Variants in OPCML observed in about 807,000 individuals in gnomAD.
OPCML encodes opioid binding protein/cell adhesion molecule like.
Under a neutral mutation model 37.8 loss-of-function variants are expected in OPCML, and 13 were observed. That is an observed-to-expected ratio of 0.34 (90% CI 0.22 to 0.55). The LOEUF is 0.55. OPCML is among the 20% of genes least tolerant of loss of function. OPCML has a pLI of 0.91. For missense variants in OPCML, 341 were observed against 435.6 expected (o/e 0.78, Z 1.93); for synonymous variants, 176 against 168.8 (o/e 1.04, Z -0.33).
At chr11:133,248,392 T>C (rs1203691645) in intron 1 of OPCML, among the ~76,000 whole-genome samples, 3 of 152,258 alleles carry the variant, frequency 2.0e-5, no homozygotes, top group African/African-American at 7.2e-5. Context: ...AGAATGCAGA[T>C]AGCCTGCTGG....
At chr11:132,493,592 C>T (rs540769597) in intron 4 of OPCML, among the ~76,000 whole-genome samples, 2 of 152,324 alleles carry the variant, frequency 1.3e-5, no homozygotes, top group South Asian at 4.1e-4. Context: ...TCTTTCCCCT[C>T]TCCTTCCTGG....
intron 1 of OPCML, among the ~76,000 whole-genome samples, chr11:133,021,274 G>C (rs1165033726): frequency 6.6e-6 from 1 of 152,142 alleles, no homozygotes. Flanking sequence ...TTTTAGGCGA[G>C]AGCATTTTCT....
chr11:132,436,925 T>C, intron 5 of OPCML, 146 bp from the exon 6 acceptor site: 3 of 1,446,810 alleles, frequency 2.1e-6, no homozygotes, highest in Non-Finnish European at 2.7e-6. Context: ...AAAATAATCA[T>C]TTATTTCAGG....
At chr11:132,695,021 C>T (rs758590290) in intron 2 of OPCML, among the ~76,000 whole-genome samples, 2 of 152,184 alleles carry the variant, frequency 1.3e-5, no homozygotes, top group Admixed American at 1.3e-4. Flanking sequence ...TTGAGAAGAA[C>T]GGACTCCTAC....
chr11:132,977,086 T>G (rs1280096648), intron 1 of OPCML, among the ~76,000 whole-genome samples: 3 of 152,244 alleles, frequency 2.0e-5, no homozygotes, highest in Non-Finnish European at 4.4e-5. Flanking sequence ...AATTCTCTCA[T>G]TTATAGAAGT....
intron 1 of OPCML, among the ~76,000 whole-genome samples, chr11:133,414,509 C>A (rs1945718870): frequency 6.6e-6 from 1 of 152,064 alleles, no homozygotes; most frequent in African/African-American, 2.4e-5. Flanking sequence ...AGACATAAAT[C>A]CTGGTTTTCA....
intron 1 of OPCML, among the ~76,000 whole-genome samples, chr11:132,974,813 C>T (rs900751839): frequency 3.3e-5 from 5 of 151,936 alleles, no homozygotes; most frequent in Admixed American, 6.6e-5. Flanking sequence ...CTTTGATTTT[C>T]TCCTAGCCCT....
chr11:133,286,571 T>C (rs1004881728), intron 1 of OPCML, among the ~76,000 whole-genome samples: 1 of 151,878 alleles, frequency 6.6e-6, no homozygotes, highest in African/African-American at 2.4e-5. Context: ...TTTGTGAATA[T>C]TGGATATTTT....
At chr11:133,420,716 A>G in intron 1 of OPCML, 1 of 985,452 alleles carries the variant, frequency 1.0e-6, no homozygotes, top group Non-Finnish European at 1.2e-6. Context: ...GTCCAGTGGC[A>G]TGTCAAGGGC....
chr11:133,136,216 C>T (rs1258446881), intron 1 of OPCML, among the ~76,000 whole-genome samples: 1 of 152,066 alleles, frequency 6.6e-6, no homozygotes, highest in Non-Finnish European at 1.5e-5. Context: ...TCTTATGAGT[C>T]AAGATAGAGG....
At chr11:132,581,353 C>T (rs561302694) in intron 3 of OPCML, among the ~76,000 whole-genome samples, 57 of 152,230 alleles carry the variant, frequency 3.7e-4, no homozygotes, top group Non-Finnish European at 6.2e-4. Flanking sequence ...GCTTTTAGTC[C>T]AACTGAATGC....
At chr11:132,531,609 G>T (rs2096325244) in intron 3 of OPCML, among the ~76,000 whole-genome samples, 1 of 152,102 alleles carries the variant, frequency 6.6e-6, no homozygotes, top group South Asian at 2.1e-4. Flanking sequence ...AAATTGCCTA[G>T]CTTATAAATC....
At chr11:133,119,438 G>A (rs573661217) in intron 1 of OPCML, among the ~76,000 whole-genome samples, 1 of 152,136 alleles carries the variant, frequency 6.6e-6, no homozygotes, top group African/African-American at 2.4e-5. Context: ...TAGACAGTAG[G>A]ACTAGGAATG....
chr11:132,497,692 G>T (rs1940397), intron 4 of OPCML, among the ~76,000 whole-genome samples: 3 of 151,980 alleles, frequency 2.0e-5, no homozygotes, highest in African/African-American at 7.3e-5. Flanking sequence ...AGCCCTTTTG[G>T]TCTCAAGTGG....
chr11:132,839,998 G>A (rs1346470563), intron 2 of OPCML, among the ~76,000 whole-genome samples: 1 of 152,126 alleles, frequency 6.6e-6, no homozygotes, highest in Non-Finnish European at 1.5e-5. Flanking sequence ...AGGAGGTCCA[G>A]GCGGGGAGGA....
chr11:132,796,871 T>C (rs1938355145), intron 2 of OPCML, among the ~76,000 whole-genome samples: 1 of 152,220 alleles, frequency 6.6e-6, no homozygotes, highest in Admixed American at 6.5e-5. Flanking sequence ...TAATGGCTAA[T>C]GTGAGGATCT....
intron 3 of OPCML, among the ~76,000 whole-genome samples, chr11:132,587,096 C>G (rs1204138537): frequency 1.3e-5 from 2 of 152,154 alleles, no homozygotes; most frequent in East Asian, 3.9e-4. Flanking sequence ...TGCAAGCATT[C>G]CTGAGGCATA....
intron 1 of OPCML, among the ~76,000 whole-genome samples, chr11:133,498,205 G>A (rs988538175): frequency 2.0e-5 from 3 of 152,210 alleles, no homozygotes; most frequent in Non-Finnish European, 4.4e-5. Flanking sequence ...TCAGAGTCCA[G>A]AGTGAGCCCA....
intron 2 of OPCML, among the ~76,000 whole-genome samples, chr11:132,918,048 G>C (rs1246329477): frequency 6.6e-6 from 1 of 152,134 alleles, no homozygotes; most frequent in African/African-American, 2.4e-5. Flanking sequence ...ATTAGAGTTA[G>C]TTCTATGTCA....
Sources: gnomAD v4.1 joint callset for allele counts (sites outside exome capture counted in the v4.1 genomes callset) on GRCh38, gnomAD v4.1.1 for gene constraint, MANE v1.5 for transcripts, NCBI Gene and HGNC (gene_info 2026-07-23, HGNC 2026-07-21) for gene names.